The following MYO10 variants were observed in gnomAD, a reference collection of about 807,000 sequenced individuals.
MYO10 encodes the protein unconventional myosin-X.
Under a neutral mutation model 257.3 loss-of-function variants are expected in MYO10, and 133 were observed. That is an observed-to-expected ratio of 0.52 (90% confidence interval 0.45 to 0.60). MYO10 has a LOEUF of 0.60. MYO10 is among the 20% of genes least tolerant of loss of function. MYO10 has a pLI of 0.00. For synonymous variants in MYO10, 1,104 were observed against 1,028.6 expected (o/e 1.07, Z -1.40); for missense variants, 2,399 against 2,635.7 (o/e 0.91, Z 1.97).
rs1167450001 is a variant in MYO10, at chr5:16,685,659, TC to T, written c.3990+78del. ...AGACTGTCTGGAAATTCCCAATCTTTCCCTTTTTTACCATCCTGACGCCCTC... is the reference window on the plus strand; with the variant it reads ...AGACTGTCTGGAAATTCCCAATCTTTCCTTTTTTACCATCCTGACGCCCTC... On this transcript the variant is annotated intron_variant, in intron 29 of 40. Transcript: ENST00000513610. 7.3e-6 allele frequency: 8 copies of T among 1,094,542 alleles called. No homozygotes were observed. In the African/African-American group the frequency reaches 1.3e-4, roughly 17 times the overall value. The allele number at this position is 1,094,542 out of a possible 1,614,324, so 67.8% of individuals were successfully genotyped here. A position where few individuals can be genotyped will look rare whatever the true frequency, so the allele number is the denominator to read the frequency against.
chr5:16,714,641 A>G (rs1394767186), intron 19 of MYO10, among the ~76,000 whole-genome samples: 1 of 152,180 alleles, frequency 6.6e-6, no homozygotes, highest in Non-Finnish European at 1.5e-5. Context: ...AACAGGGTGA[A>G]ACCCCGTCTC....
chr5:16,747,930 A>G (rs1740251940), intron 19 of MYO10, among the ~76,000 whole-genome samples: 1 of 122,340 alleles, frequency 8.2e-6, no homozygotes, highest in South Asian at 2.1e-4. Flanking sequence ...AAAAAAAAAA[A>G]AAAAAAAAAA....
At chr5:16,918,155 T>C (rs887395585) in intron 1 of MYO10, among the ~76,000 whole-genome samples, 1 of 152,144 alleles carries the variant, frequency 6.6e-6, no homozygotes, top group Non-Finnish European at 1.5e-5. Flanking sequence ...TTTCTTAAAA[T>C]TGTTATCATT....
chr5:16,849,897 C>T (rs2126734774), intron 2 of MYO10, among the ~76,000 whole-genome samples: 1 of 152,160 alleles, frequency 6.6e-6, no homozygotes, highest in Non-Finnish European at 1.5e-5. Flanking sequence ...CTGCTTTGAC[C>T]CAAAAACAAA....
chr5:16,780,298 T>C (rs888644063), intron 8 of MYO10, among the ~76,000 whole-genome samples: 4 of 108,112 alleles, frequency 3.7e-5, no homozygotes, highest in Admixed American at 9.8e-5. Flanking sequence ...ACATTAAAAA[T>C]GTACCAAGAC....
At chr5:16,792,570 C>T (rs1166762720) in intron 4 of MYO10, among the ~76,000 whole-genome samples, 1 of 125,794 alleles carries the variant, frequency 7.9e-6, no homozygotes, top group African/African-American at 2.9e-5. Context: ...ACCCCAGTCC[C>T]TCCCCACAGG....
At chr5:16,808,687 T>A (rs1742345315) in intron 3 of MYO10, among the ~76,000 whole-genome samples, 1 of 152,136 alleles carries the variant, frequency 6.6e-6, no homozygotes, top group African/African-American at 2.4e-5. Flanking sequence ...ATTATTATTA[T>A]TTTTGAGACA....
At chr5:16,762,267 A>G (rs1481528774) in intron 15 of MYO10, among the ~76,000 whole-genome samples, 154 bp from the exon 16 acceptor site, 1 of 152,142 alleles carries the variant, frequency 6.6e-6, no homozygotes, top group South Asian at 2.1e-4. Context: ...CATATGGTGC[A>G]CTTTATAAAA....
Position 16,761,498 on chromosome 5 carries a change from GA to G in MYO10, c.1704del (p.Arg569GlufsTer8). 1.2e-6 allele frequency: 2 copies of G among 1,613,310 alleles called. No homozygotes were observed. Among genetic ancestry groups the G allele is most frequent in the Non-Finnish European group, 1.7e-6 (2 of 1,179,654 alleles). ...CTTAGCAAATTGAGAAGGTCATCTCGAAATGTATCTCTGTTCTTCTCCAAGA... is the reference window on the plus strand; with the variant it reads ...CTTAGCAAATTGAGAAGGTCATCTCGAATGTATCTCTGTTCTTCTCCAAGA... Reference protein sequence around the residue: ...RGILEKNRDTFRDDLLNLLRE... With the variant: ...RGILEKNRDTXRDDLLNLLRE... On this transcript the variant is annotated frameshift_variant, in exon 17 of 41. Transcript: ENST00000513610. LOFTEE classifies it high-confidence loss of function.
At chr5:16,811,158 G>C (rs530942250) in intron 3 of MYO10, among the ~76,000 whole-genome samples, 56 of 35,096 alleles carry the variant, frequency 1.6e-3, no homozygotes, top group African/African-American at 7.3e-3. Flanking sequence ...TGAGCTGATG[G>C]TAAGTGGGGG....
At position 16,666,533 on chromosome 5, in the gene MYO10, AG is replaced by A. The variant is rs1736175606; in HGVS notation, c.*158del. 1.7e-6 allele frequency: 1 copy of A among 597,718 alleles called. No homozygotes were observed. The highest frequency in any genetic ancestry group is 1.9e-5 in the African/African-American group (1 of 53,276). The allele number at this position is 597,718 out of a possible 1,614,324, so 37.0% of individuals were successfully genotyped here. A position where few individuals can be genotyped will look rare whatever the true frequency, so the allele number is the denominator to read the frequency against. On this transcript the variant is annotated 3_prime_UTR_variant, in exon 41 of 41. Transcript: ENST00000513610. Reference sequence around the variant, plus strand: ...TTAATACAGGATCAATGAAGGCGGCAGGCAAAAGGATCCTCGGAGACACCTC... The same window carrying A: ...TTAATACAGGATCAATGAAGGCGGCAGCAAAAGGATCCTCGGAGACACCTC...
intron 25 of MYO10, among the ~76,000 whole-genome samples, chr5:16,700,639 T>A (rs1738003023): frequency 6.6e-6 from 1 of 152,096 alleles, no homozygotes; most frequent in Non-Finnish European, 1.5e-5. Context: ...ATCCTGCCAA[T>A]GCACTCCAGC....
At chr5:16,852,909 G>A (rs1449169613) in intron 2 of MYO10, among the ~76,000 whole-genome samples, 3 of 152,116 alleles carry the variant, frequency 2.0e-5, no homozygotes, top group African/African-American at 7.2e-5. Context: ...CCTTTGCCAA[G>A]AAGGCACAGA....
chr5:16,861,555 A>G (rs1480282791), intron 2 of MYO10, among the ~76,000 whole-genome samples: 1 of 152,152 alleles, frequency 6.6e-6, no homozygotes, highest in African/African-American at 2.4e-5. Context: ...CTGGGCAACA[A>G]GAGTGAAACT....
At chr5:16,695,968 C>A (rs1287944138) in intron 26 of MYO10, among the ~76,000 whole-genome samples, 1 of 152,102 alleles carries the variant, frequency 6.6e-6, no homozygotes, top group Admixed American at 6.5e-5. Flanking sequence ...CCAACGGCTA[C>A]CAGAATGAAA....
intron 3 of MYO10, among the ~76,000 whole-genome samples, chr5:16,800,533 G>C (rs1326537890): frequency 1.3e-5 from 2 of 152,200 alleles, no homozygotes; most frequent in Admixed American, 1.3e-4. Flanking sequence ...CTTTACCCAG[G>C]TTAGGAACCT....
intron 26 of MYO10, among the ~76,000 whole-genome samples, chr5:16,695,309 G>GGGT (rs983915261): frequency 3.3e-5 from 5 of 152,184 alleles, no homozygotes; most frequent in Non-Finnish European, 7.3e-5. Flanking sequence ...ACTCCAGCCT[G>GGGT]GGTGACAGAG....
At chr5:16,705,190 C>A (rs1292096434) in intron 21 of MYO10, among the ~76,000 whole-genome samples, 1 of 152,214 alleles carries the variant, frequency 6.6e-6, no homozygotes, top group African/African-American at 2.4e-5. Context: ...TATGTGATTA[C>A]AATCAGAGTA....
At chr5:16,856,728 A>G (rs1318124971) in intron 2 of MYO10, among the ~76,000 whole-genome samples, 1 of 152,138 alleles carries the variant, frequency 6.6e-6, no homozygotes, top group Admixed American at 6.5e-5. Context: ...GTAAGGAAGC[A>G]GGTGCCAGCA....
Sources: allele counts gnomAD v4.1 joint callset (sites outside exome capture counted in the v4.1 genomes callset), GRCh38; gene constraint gnomAD v4.1.1; transcripts MANE v1.5; gene names NCBI Gene and HGNC (gene_info 2026-07-23, HGNC 2026-07-21).